The following RIMKLB variants were observed in gnomAD, a reference collection of about 807,000 sequenced individuals.
RIMKLB encodes ribosomal modification protein rimK like family member B, also known as beta-citrylglutamate synthase B.
Under a neutral mutation model 32.0 loss-of-function variants are expected in RIMKLB, and 7 were observed. The ratio of observed to expected loss-of-function variants is 0.22; its 90% CI spans 0.12 to 0.41. RIMKLB has a LOEUF of 0.41. Ranked by LOEUF, RIMKLB falls within the 10% of genes least tolerant of loss-of-function variation. RIMKLB has a pLI of 1.00. For missense variants in RIMKLB, 289 were observed against 498.7 expected (o/e 0.58, Z 4.00); for synonymous variants, 172 against 185.1 (o/e 0.93, Z 0.57).
intron 3 of RIMKLB, among the ~76,000 whole-genome samples, chr12:8,751,461 G>A (rs1198478002): frequency 6.6e-6 from 1 of 152,282 alleles, no homozygotes; most frequent in Middle Eastern, 3.4e-3. Flanking sequence ...AGTTACCCTA[G>A]TGTAGAAAGA....
At chr12:8,742,634 A>G (rs1387100897) in intron 2 of RIMKLB, 3 of 266,086 alleles carry the variant, frequency 1.1e-5, no homozygotes, top group East Asian at 2.1e-4. Flanking sequence ...TGTTGTTGCC[A>G]TTGAAAACTG....
intron 2 of RIMKLB, among the ~76,000 whole-genome samples, chr12:8,731,917 T>C (rs1232175105): frequency 6.6e-6 from 1 of 152,234 alleles, no homozygotes; most frequent in African/African-American, 2.4e-5. Context: ...ATCTCTTGAT[T>C]ACTAAGTTTA....
intron 5 of RIMKLB, among the ~76,000 whole-genome samples, chr12:8,771,678 G>T: frequency 6.6e-6 from 1 of 151,458 alleles, no homozygotes; most frequent in South Asian, 2.1e-4. Flanking sequence ...AATTTTTTTA[G>T]TGGCGCTCAC....
Position 8,759,776 on chromosome 12 carries a change from A to G in RIMKLB, c.697+5683A>G, listed in dbSNP as rs943402004. On this transcript the variant is annotated intron_variant, in intron 5 of 5. Transcript: ENST00000535829. ...AACCTCCAGTATAGTGTTAAGCAATAAGGATTGCAGTGATTTCTGTCTAGT... is the reference window on the plus strand; with the variant it reads ...AACCTCCAGTATAGTGTTAAGCAATGAGGATTGCAGTGATTTCTGTCTAGT... Among the ~76,000 whole-genome samples the G allele has an allele frequency of 4.6e-5, 7 of 152,180 alleles. No individual in the cohort carries two copies. In the East Asian group the frequency reaches 5.8e-4, roughly 13 times the overall value.
rs913954998 is a variant in RIMKLB at position 8,701,270 on chromosome 12, TAAATA to T, written c.-57+2975_-57+2979del. On this transcript the variant is annotated intron_variant, in intron 1 of 5. Coordinates refer to ENST00000535829, the MANE Select transcript of RIMKLB (RefSeq NM_001297776.2). ...TTCTGCTTGTCATATGAGGGATTGTTAAATAAGATAGTACCTCCAAAAGTATCTAC... is the reference window on the plus strand; with the variant it reads ...TTCTGCTTGTCATATGAGGGATTGTTAGATAGTACCTCCAAAAGTATCTAC... 3.9e-5 allele frequency among the ~76,000 whole-genome samples: 6 copies of T among 152,302 alleles called. No homozygotes were observed. In the East Asian group the frequency reaches 9.6e-4, roughly 24 times the overall value.
chr12:8,707,641 A>G (rs1591661085), intron 1 of RIMKLB, among the ~76,000 whole-genome samples: 1 of 151,728 alleles, frequency 6.6e-6, no homozygotes, highest in African/African-American at 2.4e-5. Context: ...GAAGGTTCCA[A>G]CCCTCTAATC....
chr12:8,710,965 C>CAAA (rs748394546), intron 1 of RIMKLB, among the ~76,000 whole-genome samples: 8 of 65,760 alleles, frequency 1.2e-4, no homozygotes, highest in South Asian at 5.4e-4. Context: ...ACATCTTTAC[C>CAAA]AAAAAAAAAA....
At chr12:8,773,140 C>G (rs1950539025) in intron 5 of RIMKLB, among the ~76,000 whole-genome samples, 181 bp from the exon 6 acceptor site, 1 of 151,868 alleles carries the variant, frequency 6.6e-6, no homozygotes, top group South Asian at 2.1e-4. Context: ...TCCTGGGAGA[C>G]TGGATAGGGA....
At chr12:8,693,232 T>C (rs1591605437), upstream of RIMKLB, among the ~76,000 whole-genome samples, 4 of 152,304 alleles carry the variant, frequency 2.6e-5, no homozygotes, top group East Asian at 7.7e-4. Flanking sequence ...TGTACTCAAG[T>C]AGAATCAGAG....
intron 5 of RIMKLB, among the ~76,000 whole-genome samples, chr12:8,770,779 T>G (rs1378024930): frequency 3.3e-5 from 5 of 151,924 alleles, no homozygotes; most frequent in Non-Finnish European, 7.4e-5. Flanking sequence ...TCACCAGGAG[T>G]CACCAAGAAT....
chr12:8,752,918 C>G (rs58998046), intron 4 of RIMKLB, among the ~76,000 whole-genome samples: 9,541 of 151,772 alleles, frequency 0.063, 970 homozygotes, highest in African/African-American at 0.21. Context: ...TTTGTTTTTT[C>G]TATTTTTAGT....
intron 1 of RIMKLB, among the ~76,000 whole-genome samples, chr12:8,702,155 T>G (rs780157266): frequency 1.3e-5 from 2 of 152,382 alleles, no homozygotes; most frequent in Non-Finnish European, 1.5e-5. Flanking sequence ...GTGTTACATG[T>G]CAGGTTATGC....
chr12:8,742,462 T>G (rs1471833289), intron 2 of RIMKLB: 1 of 400,158 alleles, frequency 2.5e-6, no homozygotes, highest in Non-Finnish European at 4.9e-6. Flanking sequence ...AAAGAGCACA[T>G]GGAGGAGGAG....
chr12:8,727,029 C>G (rs1946077327), intron 2 of RIMKLB, among the ~76,000 whole-genome samples: 1 of 152,110 alleles, frequency 6.6e-6, no homozygotes, highest in South Asian at 2.1e-4. Flanking sequence ...TAATCTAAGT[C>G]CACTTTTAAA....
downstream of RIMKLB, chr12:8,777,215 C>CTTTTTTTTTTTTTTTT (rs35828763): frequency 1.8e-5 from 13 of 703,872 alleles, no homozygotes; most frequent in African/African-American, 6.1e-5. Context: ...TGCTTGCTTT[C>CTTTTTTTTTTTTTTTT]TTTTTTTTTT....
intron 2 of RIMKLB, among the ~76,000 whole-genome samples, chr12:8,736,986 T>C (rs1947067642): frequency 6.6e-6 from 1 of 152,028 alleles, no homozygotes; most frequent in South Asian, 2.1e-4. Flanking sequence ...TAATTTTTTG[T>C]ATTTTTAGTA....
At chr12:8,695,092 T>C (rs1329820253), upstream of RIMKLB, among the ~76,000 whole-genome samples, 1 of 152,174 alleles carries the variant, frequency 6.6e-6, no homozygotes, top group Non-Finnish European at 1.5e-5. Context: ...ATGCTGCTAG[T>C]AAATACAGCT....
chr12:8,756,922 C>A (rs1949087301), intron 5 of RIMKLB, among the ~76,000 whole-genome samples: 1 of 151,938 alleles, frequency 6.6e-6, no homozygotes, highest in South Asian at 2.1e-4. Context: ...GAACTCCTGG[C>A]CTCAAGTGAT....
At chr12:8,702,073 A>G (rs932083178) in intron 1 of RIMKLB, among the ~76,000 whole-genome samples, 1 of 152,142 alleles carries the variant, frequency 6.6e-6, no homozygotes, top group South Asian at 2.1e-4. Flanking sequence ...TAAAATAGCT[A>G]TGATTTTTTG....
Sources: gnomAD v4.1 joint callset for allele counts (sites outside exome capture counted in the v4.1 genomes callset) on GRCh38, gnomAD v4.1.1 for gene constraint, MANE v1.5 for transcripts, NCBI Gene and HGNC (gene_info 2026-07-23, HGNC 2026-07-21) for gene names.